The following CTNNA3 variants were observed in gnomAD, a reference collection of about 807,000 sequenced individuals.
CTNNA3 encodes catenin alpha-3.
Under a neutral mutation model 95.7 loss-of-function variants are expected in CTNNA3, and 76 were observed. That is an observed-to-expected ratio of 0.79 (90% CI 0.66 to 0.96). The LOEUF is 0.96. Ranked by LOEUF, CTNNA3 falls within the 40% of genes least tolerant of loss-of-function variation. CTNNA3 has a pLI of 0.00. For missense variants in CTNNA3, 1,191 were observed against 1,089.8 expected (o/e 1.09, Z -1.31); for synonymous variants, 431 against 374.4 (o/e 1.15, Z -1.74).
At chr10:65,928,865 A>T (rs530608977) in intron 17 of CTNNA3, among the ~76,000 whole-genome samples, 20 of 152,170 alleles carry the variant, frequency 1.3e-4, no homozygotes, top group Non-Finnish European at 2.8e-4. Context: ...TCCCACTTTT[A>T]GATTATTATT....
chr10:67,032,116 G>T (rs997627786), intron 7 of CTNNA3, among the ~76,000 whole-genome samples: 1 of 152,000 alleles, frequency 6.6e-6, no homozygotes, highest in Non-Finnish European at 1.5e-5. Context: ...TTTCCCACAA[G>T]GTTTGTTTCC....
At chr10:66,446,773 G>T (rs1206945935) in intron 11 of CTNNA3, among the ~76,000 whole-genome samples, 1 of 152,078 alleles carries the variant, frequency 6.6e-6, no homozygotes, top group Non-Finnish European at 1.5e-5. Flanking sequence ...ACAAGACAGG[G>T]ATGCCCTCTC....
intron 7 of CTNNA3, among the ~76,000 whole-genome samples, chr10:66,983,618 A>T (rs1850569820): frequency 6.6e-6 from 1 of 152,208 alleles, no homozygotes; most frequent in African/African-American, 2.4e-5. Context: ...AAAATTGATA[A>T]GGAGATTATT....
chr10:66,848,989 C>G (rs7100391), intron 7 of CTNNA3, among the ~76,000 whole-genome samples: 19 of 152,048 alleles, frequency 1.2e-4, no homozygotes, highest in African/African-American at 4.3e-4. Flanking sequence ...AAAGAATGAA[C>G]GAATTAGAAG....
At chr10:66,351,641 T>C (rs1347716377) in intron 12 of CTNNA3, among the ~76,000 whole-genome samples, 2 of 152,044 alleles carry the variant, frequency 1.3e-5, no homozygotes, top group Admixed American at 6.6e-5. Flanking sequence ...ACATTGTAGA[T>C]ATTTACAAAA....
At position 67,264,765 on chromosome 10, in the gene CTNNA3, T is replaced by C. The variant is rs181602784; in HGVS notation, c.580-44895A>G. On this transcript the variant is annotated intron_variant, in intron 5 of 17. Coordinates refer to ENST00000433211, the MANE Select transcript of CTNNA3 (RefSeq NM_013266.4). ...GATAGAGGTTCACCCTCCGAAAAATTGACCTACTGAGGACTAAAAGTAACT... is the reference window on the plus strand; with the variant it reads ...GATAGAGGTTCACCCTCCGAAAAATCGACCTACTGAGGACTAAAAGTAACT... 8.3e-4 allele frequency among the ~76,000 whole-genome samples: 127 copies of C among 152,280 alleles called. 1 individual carries two copies. The highest frequency in any genetic ancestry group is 1.3e-3 in the Non-Finnish European group (88 of 68,004).
chr10:66,758,607 G>A (rs1839471930), intron 9 of CTNNA3, among the ~76,000 whole-genome samples: 1 of 152,124 alleles, frequency 6.6e-6, no homozygotes, highest in African/African-American at 2.4e-5. Flanking sequence ...AAGTTTTCAA[G>A]TTCAGAGAAG....
chr10:66,957,251 C>A (rs376620599), intron 7 of CTNNA3, among the ~76,000 whole-genome samples: 1 of 151,684 alleles, frequency 6.6e-6, no homozygotes, highest in Non-Finnish European at 1.5e-5. Flanking sequence ...GAGATGTAAT[C>A]TTTTATTATC....
intron 7 of CTNNA3, among the ~76,000 whole-genome samples, chr10:66,840,372 T>TCACA (rs138947952): frequency 4.8e-4 from 34 of 71,368 alleles, no homozygotes; most frequent in African/African-American, 1.4e-3. Flanking sequence ...TCTCTCTCTC[T>TCACA]CACACACACA....
At chr10:67,549,254 T>C (rs1840943333) in intron 3 of CTNNA3, among the ~76,000 whole-genome samples, 1 of 152,082 alleles carries the variant, frequency 6.6e-6, no homozygotes, top group Admixed American at 6.5e-5. Flanking sequence ...AATGAAGCAG[T>C]AGAAAAGTAA....
intron 17 of CTNNA3, among the ~76,000 whole-genome samples, chr10:65,931,535 C>T (rs2077252446): frequency 6.8e-6 from 1 of 146,042 alleles, no homozygotes; most frequent in South Asian, 2.3e-4. Flanking sequence ...AGATGTGAGG[C>T]ATAGAATATG....
chr10:66,382,325 C>T (rs2092847186), intron 11 of CTNNA3, among the ~76,000 whole-genome samples: 1 of 152,182 alleles, frequency 6.6e-6, no homozygotes. Flanking sequence ...GCCTTGCTCA[C>T]TGCTAGTGCA....
intron 9 of CTNNA3, among the ~76,000 whole-genome samples, chr10:66,681,900 T>C (rs1192029339): frequency 6.6e-6 from 1 of 152,206 alleles, no homozygotes; most frequent in East Asian, 1.9e-4. Context: ...GGAAATTTAT[T>C]GCTGGATGTT....
chr10:67,655,694 C>G lies in CTNNA3; in HGVS notation c.-5-8176G>C, dbSNP rs932113315. On this transcript the variant is annotated intron_variant, in intron 1 of 17. Transcript: ENST00000433211. ...CCTGTAATCCCAGCTACTCAGGAGG[C>G]TGAGACAGGAGAATTGCTGGAACCT... Among the ~76,000 whole-genome samples, 7 of 150,280 alleles carry G rather than the reference C, an allele frequency of 4.7e-5. No individual in the cohort carries two copies. In the East Asian group the frequency reaches 1.4e-3, roughly 30 times the overall value.
At chr10:65,985,010 T>G (rs1176453448) in intron 16 of CTNNA3, among the ~76,000 whole-genome samples, 1 of 150,756 alleles carries the variant, frequency 6.6e-6, no homozygotes, top group Non-Finnish European at 1.5e-5. Context: ...TAATAAAATT[T>G]TATAATAATT....
At chr10:66,517,996 C>T (rs1840923551) in intron 11 of CTNNA3, among the ~76,000 whole-genome samples, 1 of 152,084 alleles carries the variant, frequency 6.6e-6, no homozygotes, top group Non-Finnish European at 1.5e-5. Context: ...TGAAAATATC[C>T]CTCTCCACAT....
intron 7 of CTNNA3, among the ~76,000 whole-genome samples, chr10:67,025,564 T>G (rs1403819712): frequency 6.6e-6 from 1 of 151,954 alleles, no homozygotes; most frequent in African/African-American, 2.4e-5. Flanking sequence ...TTATTTGCAA[T>G]GTTACTGAGA....
intron 7 of CTNNA3, among the ~76,000 whole-genome samples, chr10:66,943,174 A>G (rs1848102068): frequency 6.6e-6 from 1 of 152,198 alleles, no homozygotes; most frequent in Admixed American, 6.5e-5. Flanking sequence ...CGTTCTTTTT[A>G]AAGACTTTGA....
chr10:67,341,155 G>T (rs1376254519), intron 5 of CTNNA3, among the ~76,000 whole-genome samples: 4 of 152,072 alleles, frequency 2.6e-5, no homozygotes, highest in East Asian at 1.9e-4. Flanking sequence ...GGAGGATGGG[G>T]TATCAATTGT....
Sources: allele counts gnomAD v4.1 joint callset (sites outside exome capture counted in the v4.1 genomes callset), GRCh38; gene constraint gnomAD v4.1.1; transcripts MANE v1.5; gene names NCBI Gene and HGNC (gene_info 2026-07-23, HGNC 2026-07-21).